The following ADNP variants were observed in gnomAD, a reference collection of about 807,000 sequenced individuals.
ADNP encodes the protein activity-dependent neuroprotector homeobox protein.
A neutral mutation model predicts 84.9 loss-of-function variants in ADNP; 4 were observed. That is an observed-to-expected ratio of 0.05 (90% CI 0.02 to 0.11). The LOEUF (loss-of-function observed/expected upper bound fraction) is 0.11. Among genes scored for constraint, ADNP ranks in the 10% least tolerant of loss-of-function variants. The pLI, the probability that ADNP is intolerant of heterozygous loss-of-function variation, is 1.00. For missense variants in ADNP, 1,132 were observed against 1,326.0 expected (o/e 0.85, Z 2.27); for synonymous variants, 554 against 468.1 (o/e 1.18, Z -2.37).
chr20:50,903,467 C>T (rs1982182742), intron 4 of ADNP, among the ~76,000 whole-genome samples: 1 of 152,190 alleles, frequency 6.6e-6, no homozygotes, highest in Non-Finnish European at 1.5e-5. Context: ...TCAACCAGAA[C>T]ATTCAGGCGT....
At chr20:50,918,595 T>C (rs1490569503) in intron 2 of ADNP, among the ~76,000 whole-genome samples, 1 of 152,244 alleles carries the variant, frequency 6.6e-6, no homozygotes, top group East Asian at 1.9e-4. Flanking sequence ...ATGAAGGCCC[T>C]GATTCACTCT....
At chr20:50,914,310 T>C (rs1983326835) in intron 2 of ADNP, 1 of 692,022 alleles carries the variant, frequency 1.4e-6, no homozygotes, top group Non-Finnish European at 2.7e-6. Context: ...CAAGGAGCAA[T>C]ATTTACATAG....
rs1980647809 is a variant in ADNP at position 50,891,083 on chromosome 20, A to G, written c.*322T>C. ...AATTAGTTTAACACTTCTCAAAGAC[A>G]TCTGACCAATCATTTCACAGAGGGA... On this transcript the variant is annotated 3_prime_UTR_variant, in exon 6 of 6. Transcript: ENST00000621696. 3.5e-6 allele frequency: 4 copies of G among 1,130,296 alleles called. No individual in the cohort carries two copies. In the South Asian group the frequency reaches 1.4e-4, roughly 39 times the overall value. 70.0% of individuals were successfully genotyped at this position (1,130,296 alleles called of 1,614,324 possible). A position where few individuals can be genotyped will look rare whatever the true frequency, so the allele number is the denominator to read the frequency against.
In ADNP at chr20:50,904,851, T is replaced by A. The variant is rs1422196469; in HGVS notation, c.-89-2A>T. The A allele has an allele frequency of 1.3e-5, 2 of 151,792 alleles. No homozygotes were observed. The highest frequency in any genetic ancestry group is 4.8e-5 in the African/African-American group (2 of 41,360). The allele number at this position is 151,792 out of a possible 1,614,324, so 9.4% of individuals were successfully genotyped here. A position where few individuals can be genotyped will look rare whatever the true frequency, so the allele number is the denominator to read the frequency against. On this transcript the variant is annotated splice_acceptor_variant, in intron 2 of 5. Coordinates refer to ENST00000621696, the MANE Select transcript of ADNP (RefSeq NM_001282531.3). LOFTEE classifies it low-confidence loss of function (5UTR_SPLICE). ...TGTCCTGCCTACTGCTACGGTATTCTTTAAAACAAAAACAAAAACAAAAAC... is the reference window on the plus strand; with the variant it reads ...TGTCCTGCCTACTGCTACGGTATTCATTAAAACAAAAACAAAAACAAAAAC...
chr20:50,892,726 T>C lies in ADNP; in HGVS notation c.1988A>G (p.Lys663Arg). ...VHPVEKKLTY[K>R]CIHCLGVYTS... ...ATACACACCAAGGCAATGGATACAT[T>C]TGTAGGTGAGCTTTTTCTCAACTGG... The change falls in exon 6 of 6, where the codon AAA (lysine) becomes AGA (arginine). Residue 663 changes from lysine (K) to arginine (R), a missense_variant. Physicochemically the swap from Lys to Arg is conservative, Grantham distance 26. Coordinates refer to ENST00000621696, the MANE Select transcript of ADNP (RefSeq NM_001282531.3). 5 of 1,614,166 alleles carry C rather than the reference T, an allele frequency of 3.1e-6. No homozygotes were observed. Among genetic ancestry groups the C allele is most frequent in the Non-Finnish European group, 4.2e-6 (5 of 1,180,042 alleles).
chr20:50,900,027 T>G (rs909093156), intron 5 of ADNP, among the ~76,000 whole-genome samples: 15 of 152,134 alleles, frequency 9.9e-5, no homozygotes, highest in African/African-American at 3.6e-4. Context: ...TTTTAAAGTT[T>G]TACTTTTTAT....
rs1475700245 is a variant in ADNP, at chr20:50,889,158, A to C, written c.*2247T>G. 6.6e-6 allele frequency: 1 copy of C among 152,166 alleles called. No homozygotes were observed. The highest frequency in any genetic ancestry group is 1.5e-5 in the Non-Finnish European group (1 of 68,032). 9.4% of individuals were successfully genotyped at this position (152,166 alleles called of 1,614,324 possible). Reference sequence around the variant, plus strand: ...GGCTAAACCCTTTTCTGAATGCCAAAAGGCACACTCTCACCACCTTAATGA... The same window carrying C: ...GGCTAAACCCTTTTCTGAATGCCAACAGGCACACTCTCACCACCTTAATGA... On this transcript the variant is annotated 3_prime_UTR_variant, in exon 6 of 6. Coordinates refer to ENST00000621696, the MANE Select transcript of ADNP (RefSeq NM_001282531.3).
At chr20:50,925,918 T>C (rs558192738) in intron 2 of ADNP, among the ~76,000 whole-genome samples, 1 of 152,346 alleles carries the variant, frequency 6.6e-6, no homozygotes, top group South Asian at 2.1e-4. Context: ...TTGGCCAACA[T>C]GGCGAAATCC....
chr20:50,930,133 A>T (rs1984584026), intron 1 of ADNP, among the ~76,000 whole-genome samples: 1 of 152,184 alleles, frequency 6.6e-6, no homozygotes, highest in African/African-American at 2.4e-5. Flanking sequence ...TTACATTAAA[A>T]AAAAATCTTT....
In ADNP at chr20:50,915,194, C is replaced by T. The variant is rs1012812198; in HGVS notation, c.-89-10345G>A. On this transcript the variant is annotated intron_variant, in intron 2 of 5. Coordinates refer to ENST00000621696, the MANE Select transcript of ADNP (RefSeq NM_001282531.3). The stretch of plus-strand genomic sequence containing the variant: ...TTGTATTTGTGCATTTTCTTTCCTT[C>T]CTGCCTTTACCTCAGCAACATATTT... Among the ~76,000 whole-genome samples, 22 of 152,240 alleles carry T rather than the reference C, an allele frequency of 1.4e-4. 1 individual carries two copies. Among genetic ancestry groups the T allele is most frequent in the Admixed American group, 1.4e-3 (22 of 15,286 alleles).
At chr20:50,909,390 A>AAAAAAAG (rs1982823312) in intron 2 of ADNP, 1 of 147,110 alleles carries the variant, frequency 6.8e-6, no homozygotes, top group Non-Finnish European at 1.5e-5. Flanking sequence ...AAAAAAAAAA[A>AAAAAAAG]AAAGAAATCA....
chr20:50,891,423 C>A lies in ADNP; in HGVS notation c.3291G>T (p.Leu1097=). 6.2e-7 allele frequency: 1 copy of A among 1,607,976 alleles called. No homozygotes were observed. The highest frequency in any genetic ancestry group is 1.1e-5 in the South Asian group (1 of 90,152). The change falls in exon 6 of 6, where the codon CTG becomes CTT. Residue 1097 remains leucine, a synonymous_variant. Transcript: ENST00000621696. ...CTGGCACTTAGGCCTGTTGGCTGCT[C>A]AGTTTAACTCCGGCTAAGCTGCCAT... ...PMHGSLAGVK[L]SSQQA
chr20:50,916,838 TTC>T (rs1210606858), intron 2 of ADNP, among the ~76,000 whole-genome samples: 1 of 152,200 alleles, frequency 6.6e-6, no homozygotes. Flanking sequence ...AACACAAGCA[TTC>T]TGTTTCTGAA....
In ADNP at chr20:50,892,331, A is replaced by G. The variant is rs1568705105; in HGVS notation, c.2383T>C (p.Leu795=). 6.2e-7 allele frequency: 1 copy of G among 1,614,084 alleles called. No individual in the cohort carries two copies. The highest frequency in any genetic ancestry group is 1.3e-5 in the African/African-American group (1 of 75,004). Reference sequence around the variant, plus strand: ...TGGGAAGCGATGTCACTCTTCCATAACCATAAACTGGCTGCTAGCTTCTCA... The same window carrying G: ...TGGGAAGCGATGTCACTCTTCCATAGCCATAAACTGGCTGCTAGCTTCTCA... ...EIEKLAASLW[L]WKSDIASHFS... is the part of the protein sequence containing the mutation. The change falls in exon 6 of 6, where the codon TTA becomes CTA. Residue 795 remains leucine, a synonymous_variant. Transcript: ENST00000621696.
chr20:50,907,198 G>C (rs1017805454), intron 2 of ADNP, among the ~76,000 whole-genome samples: 1 of 151,240 alleles, frequency 6.6e-6, no homozygotes, highest in Non-Finnish European at 1.5e-5. Context: ...ATCTGACCTC[G>C]TGATCCGCCC....
intron 2 of ADNP, among the ~76,000 whole-genome samples, chr20:50,927,478 G>C (rs1166084751): frequency 1.3e-5 from 2 of 151,972 alleles, no homozygotes; most frequent in African/African-American, 4.8e-5. Flanking sequence ...CCACACTCTA[G>C]TTAATTGAAC....
At chr20:50,920,367 G>A (rs1983874604) in intron 2 of ADNP, among the ~76,000 whole-genome samples, 1 of 151,352 alleles carries the variant, frequency 6.6e-6, no homozygotes, top group African/African-American at 2.4e-5. Context: ...GATCACTTGA[G>A]GTCAGGAGTT....
Position 50,891,653 on chromosome 20 carries a change from C to T in ADNP, c.3061G>A (p.Gly1021Ser), listed in dbSNP as rs140465084. ...PAAKKKATMQGDREQLKWKNS... is the reference protein window; with the variant it reads ...PAAKKKATMQSDREQLKWKNS... ...TTCCATTTCAACTGCTCTCTGTCAC[C>T]TTGCATGGTAGCCTTTTTTTTGGCA... Residue 1021 changes from glycine to serine, a missense_variant, in exon 6 of 6, where the codon GGT (glycine) becomes AGT (serine). By Grantham distance (56) the Gly-to-Ser change is moderately conservative. Around this residue, in one of 10 missense-constraint regions of ADNP, gnomAD observed 381 missense variants for 319.9 expected, o/e 1.19. Coordinates refer to ENST00000621696, the MANE Select transcript of ADNP (RefSeq NM_001282531.3). 5.0e-6 allele frequency: 8 copies of T among 1,614,220 alleles called. No individual in the cohort carries two copies. Among genetic ancestry groups the T allele is most frequent in the East Asian group, 2.2e-5 (1 of 44,894 alleles).
At chr20:50,905,491 G>A (rs781565847) in intron 2 of ADNP, 15 of 151,924 alleles carry the variant, frequency 9.9e-5, no homozygotes, top group Non-Finnish European at 1.5e-4. Context: ...CAAAATCAAC[G>A]TTAACTATAA....
Sources: allele counts gnomAD v4.1 joint callset (sites outside exome capture counted in the v4.1 genomes callset), GRCh38; gene constraint gnomAD v4.1.1; regional missense constraint gnomAD v4.1.1; transcripts MANE v1.5; gene names NCBI Gene and HGNC (gene_info 2026-07-23, HGNC 2026-07-21).